The following FHIT variants were observed in gnomAD, a reference collection of about 807,000 sequenced individuals.
The protein encoded by FHIT is bis(5'-adenosyl)-triphosphatase.
FHIT carries 19 observed loss-of-function variants against 17.9 expected under a neutral mutation model. The ratio of observed to expected loss-of-function variants is 1.06; its 90% CI spans 0.74 to 1.56. FHIT has a LOEUF of 1.56. Among genes scored for constraint, FHIT ranks in the 40% most tolerant of loss-of-function variants. The probability of loss-of-function intolerance (pLI) is 0.00; values close to 1 mark genes in which losing one functional copy is unlikely to be tolerated. For missense variants in FHIT, 248 were observed against 189.2 expected, an observed-to-expected ratio of 1.31 and a Z score of -1.82; for synonymous variants, 81 against 69.7, an observed-to-expected ratio of 1.16 and a Z score of -0.81.
At chr3:60,356,574 C>T (rs1049416048) in intron 5 of FHIT, among the ~76,000 whole-genome samples, 7 of 151,764 alleles carry the variant, frequency 4.6e-5, no homozygotes, top group Admixed American at 6.6e-5. Flanking sequence ...ATGAGAACAC[C>T]GTGAAATATA....
intron 8 of FHIT, among the ~76,000 whole-genome samples, chr3:59,866,150 G>A (rs557586434): frequency 4.0e-4 from 61 of 152,276 alleles, no homozygotes; most frequent in African/African-American, 1.4e-3. Flanking sequence ...CCTGGAGTAA[G>A]GGCCACTTGC....
rs372180053 is a variant in FHIT, at chr3:60,429,778, A to G, written c.103+107082T>C. ...GTATAATAGTTGACTTTATCCCCAC[A>G]ACAACTTTCTAAAATATCAATATAC... On this transcript the variant is annotated intron_variant, in intron 5 of 9. Coordinates refer to ENST00000492590, the MANE Select transcript of FHIT (RefSeq NM_002012.4). Among the ~76,000 whole-genome samples the G allele has an allele frequency of 2.6e-5, 4 of 152,220 alleles. No individual in the cohort carries two copies. The East Asian group carries it at 7.8e-4, about 30-fold the overall frequency.
At chr3:60,934,346 G>A (rs1868227) in intron 3 of FHIT, among the ~76,000 whole-genome samples, 91,134 of 151,994 alleles carry the variant, frequency 0.6, 27,625 homozygotes, top group East Asian at 0.67. Flanking sequence ...AAGAACAAGG[G>A]CAGAAATATA....
chr3:60,718,590 G>A (rs1041337898), intron 4 of FHIT, among the ~76,000 whole-genome samples: 1 of 152,164 alleles, frequency 6.6e-6, no homozygotes, highest in African/African-American at 2.4e-5. Flanking sequence ...TGCCAAATCT[G>A]CCAGTCACTC....
At position 60,403,104 on chromosome 3, in the gene FHIT, G is replaced by A. The variant is rs552006995; in HGVS notation, c.103+133756C>T. On this transcript the variant is annotated intron_variant, in intron 5 of 9. Transcript: ENST00000492590. ...GATAATGGAAGCCAATAGTCCAAGC[G>A]TTCAAGTGGTACTTACTTCATTTAA... 4.6e-5 allele frequency among the ~76,000 whole-genome samples: 7 copies of A among 152,304 alleles called. No individual in the cohort carries two copies. In the East Asian group the frequency reaches 7.7e-4, roughly 17 times the overall value.
chr3:60,108,918 C>T (rs901832108), intron 5 of FHIT, among the ~76,000 whole-genome samples: 6 of 152,166 alleles, frequency 3.9e-5, no homozygotes, highest in African/African-American at 1.4e-4. Context: ...CCACTTCAAC[C>T]TCCCAAAGTG....
intron 5 of FHIT, among the ~76,000 whole-genome samples, chr3:60,316,503 G>T (rs376128641): frequency 1.3e-5 from 2 of 152,150 alleles, no homozygotes; most frequent in Non-Finnish European, 2.9e-5. Context: ...AATCCTAAAT[G>T]TATGCAGATC....
At chr3:60,029,927 G>GTGTGTGTC (rs1559563022) in intron 5 of FHIT, among the ~76,000 whole-genome samples, 4 of 151,352 alleles carry the variant, frequency 2.6e-5, no homozygotes, top group Admixed American at 6.6e-5. Context: ...GTGTGTGTGT[G>GTGTGTGTC]TACAAATGTG....
intron 2 of FHIT, among the ~76,000 whole-genome samples, chr3:61,167,324 C>G (rs2107118325): frequency 6.6e-6 from 1 of 151,640 alleles, no homozygotes. Flanking sequence ...CTGCCAAAAA[C>G]TTGCATATAC....
chr3:59,747,390 C>T lies in FHIT; in HGVS notation c.*2195G>A, dbSNP rs181884158. ...AAGACAGCGTATTCAGGGGAAATGTCCTTTATAAAACCATCACTATCAATC... is the reference window on the plus strand; with the variant it reads ...AAGACAGCGTATTCAGGGGAAATGTTCTTTATAAAACCATCACTATCAATC... On this transcript the variant is annotated 3_prime_UTR_variant, in exon 10 of 10. Coordinates refer to ENST00000492590, the MANE Select transcript of FHIT (RefSeq NM_002012.4). 9.9e-5 allele frequency among the ~76,000 whole-genome samples: 15 copies of T among 152,152 alleles called. No homozygotes were observed. The East Asian group carries it at 2.9e-3, about 30-fold the overall frequency.
chr3:60,495,907 T>C (rs2034282090), intron 5 of FHIT, among the ~76,000 whole-genome samples: 1 of 152,108 alleles, frequency 6.6e-6, no homozygotes, highest in Non-Finnish European at 1.5e-5. Context: ...ATTCACACAT[T>C]TATGTCAAGA....
At chr3:59,980,839 C>T (rs974240612) in intron 7 of FHIT, among the ~76,000 whole-genome samples, 1 of 152,138 alleles carries the variant, frequency 6.6e-6, no homozygotes, top group African/African-American at 2.4e-5. Context: ...TTATAAGCCA[C>T]CCAGTTTGTG....
chr3:60,238,579 T>C (rs1261717514), intron 5 of FHIT, among the ~76,000 whole-genome samples: 1 of 152,090 alleles, frequency 6.6e-6, no homozygotes, highest in Non-Finnish European at 1.5e-5. Flanking sequence ...CTTGAAGCTA[T>C]CGCCTACATG....
chr3:60,506,786 C>T (rs2034749799), intron 5 of FHIT, among the ~76,000 whole-genome samples: 1 of 152,150 alleles, frequency 6.6e-6, no homozygotes, highest in Non-Finnish European at 1.5e-5. Context: ...GACCCAAAGC[C>T]AGCTGAGCCC....
chr3:61,168,873 G>T (rs974234809), intron 2 of FHIT, among the ~76,000 whole-genome samples: 1 of 152,154 alleles, frequency 6.6e-6, no homozygotes, highest in Non-Finnish European at 1.5e-5. Context: ...TCAGTCTTCA[G>T]GCTACAAGGT....
chr3:61,152,625 A>C (rs572005340), intron 2 of FHIT, among the ~76,000 whole-genome samples: 1 of 152,276 alleles, frequency 6.6e-6, no homozygotes, highest in East Asian at 1.9e-4. Context: ...AGATGAGATG[A>C]GAAAGCAAGG....
chr3:60,432,877 T>C (rs1047583210), intron 5 of FHIT, among the ~76,000 whole-genome samples: 1 of 151,210 alleles, frequency 6.6e-6, no homozygotes, highest in Non-Finnish European at 1.5e-5. Flanking sequence ...TTTTTACTTA[T>C]AAGATTAAAA....
chr3:59,846,525 G>A (rs1446647653), intron 8 of FHIT, among the ~76,000 whole-genome samples: 1 of 151,878 alleles, frequency 6.6e-6, no homozygotes, highest in Non-Finnish European at 1.5e-5. Flanking sequence ...ATAAACCAAA[G>A]TTATAATAAT....
chr3:60,947,684 G>T (rs1708700115), intron 3 of FHIT, among the ~76,000 whole-genome samples: 1 of 152,148 alleles, frequency 6.6e-6, no homozygotes, highest in Non-Finnish European at 1.5e-5. Context: ...ATGGTCTTGT[G>T]ATCATGTCTT....
Sources: gnomAD v4.1 joint callset for allele counts (sites outside exome capture counted in the v4.1 genomes callset) on GRCh38, gnomAD v4.1.1 for gene constraint, MANE v1.5 for transcripts, NCBI Gene and HGNC (gene_info 2026-07-23, HGNC 2026-07-21) for gene names.